The following OTUD7A variants were observed in gnomAD, a reference collection of about 807,000 sequenced individuals.
OTUD7A encodes the protein OTU domain-containing protein 7A.
A neutral mutation model predicts 65.7 loss-of-function variants in OTUD7A; 12 were observed. The observed-to-expected ratio is 0.18, with a 90% confidence interval of 0.12 to 0.30. The LOEUF is 0.30. OTUD7A is among the 10% of genes least tolerant of loss of function. The probability of loss-of-function intolerance (pLI) is 1.00; values close to 1 mark genes in which losing one functional copy is unlikely to be tolerated. For missense variants in OTUD7A, 1,148 were observed against 1,304.8 expected (o/e 0.88, Z 1.85); for synonymous variants, 641 against 586.3 (o/e 1.09, Z -1.35).
intron 4 of OTUD7A, among the ~76,000 whole-genome samples, chr15:31,561,238 GA>G (rs142452668): frequency 0.027 from 4,132 of 152,314 alleles, 196 homozygotes; most frequent in African/African-American, 0.093. Flanking sequence ...GGTGGTGGGG[GA>G]CGGCCCATTG....
At chr15:31,558,945 G>T in intron 5 of OTUD7A, 24 bp downstream of exon 5, 1 of 1,611,530 alleles carries the variant, frequency 6.2e-7, no homozygotes. Flanking sequence ...AAAGAGGGTG[G>T]GCCTGCTGGC....
intron 1 of OTUD7A, among the ~76,000 whole-genome samples, chr15:31,805,786 G>C (rs1440569805): frequency 6.6e-6 from 1 of 152,172 alleles, no homozygotes; most frequent in Admixed American, 6.5e-5. Flanking sequence ...GTTCTCCGGA[G>C]ATCTTCCTCC....
chr15:31,591,382 T>TGTGAG (rs1889719882), intron 3 of OTUD7A, among the ~76,000 whole-genome samples: 1 of 152,172 alleles, frequency 6.6e-6, no homozygotes. Context: ...GAGGTGTATC[T>TGTGAG]GTGAGGGTAT....
chr15:31,520,989 G>C (rs1479410083), intron 8 of OTUD7A, among the ~76,000 whole-genome samples: 1 of 152,190 alleles, frequency 6.6e-6, no homozygotes, highest in Non-Finnish European at 1.5e-5. Context: ...AACATGGATG[G>C]ATATGGAAGC....
At chr15:31,505,880 G>A (rs2141087521) in intron 8 of OTUD7A, among the ~76,000 whole-genome samples, 1 of 151,920 alleles carries the variant, frequency 6.6e-6, no homozygotes, top group African/African-American at 2.4e-5. Flanking sequence ...CTCCCTGGTA[G>A]CTGGGACTAC....
chr15:31,781,955 A>G (rs1346877422), intron 1 of OTUD7A, among the ~76,000 whole-genome samples: 3 of 152,226 alleles, frequency 2.0e-5, no homozygotes, highest in African/African-American at 7.2e-5. Context: ...TTTTCCTGAA[A>G]TCAATTGCTA....
chr15:31,645,187 C>A (rs1891624519), intron 3 of OTUD7A, among the ~76,000 whole-genome samples: 2 of 152,222 alleles, frequency 1.3e-5, no homozygotes, highest in African/African-American at 4.8e-5. Flanking sequence ...GAAACTTTCT[C>A]AAGGCAGTGA....
intron 1 of OTUD7A, among the ~76,000 whole-genome samples, chr15:31,710,188 A>T (rs1260362584): frequency 6.7e-6 from 1 of 149,736 alleles, no homozygotes; most frequent in Non-Finnish European, 1.5e-5. Flanking sequence ...TTTGTTTCTT[A>T]TGTGTTTTCT....
chr15:31,573,541 T>C (rs1889115542), intron 3 of OTUD7A, among the ~76,000 whole-genome samples: 1 of 152,194 alleles, frequency 6.6e-6, no homozygotes, highest in African/African-American at 2.4e-5. Context: ...TGGTAGAATT[T>C]AGAAAGCAGA....
rs149492439 is a variant in OTUD7A at position 31,566,604 on chromosome 15, T to C, written c.331+3414A>G. Among the ~76,000 whole-genome samples the C allele has an allele frequency of 5.8e-3, 890 of 152,276 alleles. 9 individuals carry two copies. Among genetic ancestry groups the C allele is most frequent in the African/African-American group, 0.021 (854 of 41,560 alleles). Reference sequence around the variant, plus strand: ...TAGTTTGAATATTTGTCTCCAAATCTCAAGTTGAAATGTGATCCCCAATCT... The same window carrying C: ...TAGTTTGAATATTTGTCTCCAAATCCCAAGTTGAAATGTGATCCCCAATCT... On this transcript the variant is annotated intron_variant, in intron 4 of 12. Transcript: ENST00000307050.
chr15:31,681,408 G>A (rs1437474518), intron 1 of OTUD7A, among the ~76,000 whole-genome samples: 1 of 151,878 alleles, frequency 6.6e-6, no homozygotes, highest in Non-Finnish European at 1.5e-5. Flanking sequence ...CTGTCTATAT[G>A]ACCACCTGTC....
chr15:31,703,389 T>G (rs886506559), intron 1 of OTUD7A, among the ~76,000 whole-genome samples: 1 of 151,980 alleles, frequency 6.6e-6, no homozygotes, highest in African/African-American at 2.4e-5. Context: ...ACTCAACAGT[T>G]AAATCCATTA....
chr15:31,748,083 C>T (rs1894527663), intron 1 of OTUD7A, among the ~76,000 whole-genome samples: 1 of 152,066 alleles, frequency 6.6e-6, no homozygotes, highest in African/African-American at 2.4e-5. Flanking sequence ...CTGGATTGAA[C>T]CCTGGACCAG....
intron 3 of OTUD7A, among the ~76,000 whole-genome samples, chr15:31,645,033 T>C (rs1349135946): frequency 1.3e-5 from 2 of 152,158 alleles, no homozygotes; most frequent in East Asian, 1.9e-4. Flanking sequence ...ATCGCTGCAG[T>C]TCTCTCTGTG....
At chr15:31,827,204 G>C (rs1029176387) in intron 1 of OTUD7A, among the ~76,000 whole-genome samples, 1 of 152,200 alleles carries the variant, frequency 6.6e-6, no homozygotes, top group Admixed American at 6.5e-5. Flanking sequence ...GTTTACAAAA[G>C]AAAGAAGTTT....
chr15:31,761,493 G>A (rs999123911), intron 1 of OTUD7A, among the ~76,000 whole-genome samples: 1 of 152,142 alleles, frequency 6.6e-6, no homozygotes, highest in African/African-American at 2.4e-5. Context: ...CACCCACTAG[G>A]ATGGGTATAA....
intron 3 of OTUD7A, among the ~76,000 whole-genome samples, chr15:31,603,231 G>A: frequency 6.6e-6 from 1 of 152,076 alleles, no homozygotes; most frequent in Non-Finnish European, 1.5e-5. Context: ...CATGGCACTG[G>A]TACCAAAACA....
At chr15:31,792,975 C>A (rs561926388) in intron 1 of OTUD7A, among the ~76,000 whole-genome samples, 3 of 152,168 alleles carry the variant, frequency 2.0e-5, no homozygotes, top group African/African-American at 4.8e-5. Flanking sequence ...TCCTCACCGC[C>A]GGCCACGGGA....
At chr15:31,762,364 C>A (rs902968252) in intron 1 of OTUD7A, among the ~76,000 whole-genome samples, 1 of 152,202 alleles carries the variant, frequency 6.6e-6, no homozygotes, top group East Asian at 1.9e-4. Context: ...TTAACCTCCA[C>A]ACAGATAAAG....
Sources: gnomAD v4.1 joint callset for allele counts (sites outside exome capture counted in the v4.1 genomes callset) on GRCh38, gnomAD v4.1.1 for gene constraint, MANE v1.5 for transcripts, NCBI Gene and HGNC (gene_info 2026-07-23, HGNC 2026-07-21) for gene names.